CABP5: variants seen among roughly 807,000 people sequenced by gnomAD.
CABP5 encodes calcium binding protein 5.
In CABP5, 17 loss-of-function variants were observed where a neutral mutation model predicts 21.9. The observed-to-expected ratio is 0.78, with a 90% confidence interval of 0.53 to 1.17. The LOEUF is 1.17. Ranked by LOEUF, CABP5 falls within the 50% of genes most tolerant of loss-of-function variation. The probability of loss-of-function intolerance (pLI) is 0.00; values close to 1 mark genes in which losing one functional copy is unlikely to be tolerated. For synonymous variants in CABP5, 85 were observed against 79.4 expected, an observed-to-expected ratio of 1.07 and a Z score of -0.37; for missense variants, 229 against 228.9, an observed-to-expected ratio of 1.00 and a Z score of 0.00.
At chr19:48,031,761 T>G (rs1354491776) in intron 5 of CABP5, among the ~76,000 whole-genome samples, 1 of 152,026 alleles carries the variant, frequency 6.6e-6, no homozygotes, top group South Asian at 2.1e-4. Flanking sequence ...ACCCGGGTCT[T>G]GAGGTCATCC....
chr19:48,041,217 T>C (rs527544788), intron 2 of CABP5: 1 of 316,224 alleles, frequency 3.2e-6, no homozygotes, highest in South Asian at 4.7e-5. Flanking sequence ...AAAGGAGTGA[T>C]GTATGAAATG....
At chr19:48,035,790 G>T (rs1356182570) in intron 4 of CABP5, among the ~76,000 whole-genome samples, 2 of 152,186 alleles carry the variant, frequency 1.3e-5, no homozygotes, top group Non-Finnish European at 2.9e-5. Flanking sequence ...AATAGACAAG[G>T]TCTCAGTGTT....
intron 1 of CABP5, 65 bp from the exon 2 acceptor site, chr19:48,041,668 T>C (rs1967483652): frequency 6.8e-7 from 1 of 1,476,148 alleles, no homozygotes; most frequent in Non-Finnish European, 9.3e-7. Flanking sequence ...AAGGGTCTCC[T>C]TGTTCTCCCA....
intron 5 of CABP5, among the ~76,000 whole-genome samples, chr19:48,032,334 CTTT>C (rs11384879): frequency 5.5e-5 from 8 of 144,196 alleles, no homozygotes; most frequent in Middle Eastern, 3.4e-3. Context: ...TAATTTTGGA[CTTT>C]TTTTTTTTTT....
At chr19:48,041,443 G>T in intron 2 of CABP5, 130 bp downstream of exon 2, 1 of 903,788 alleles carries the variant, frequency 1.1e-6, no homozygotes, top group Non-Finnish European at 1.8e-6. Flanking sequence ...CAAAATTACA[G>T]TTGAGTGGGA....
Position 48,029,794 on chromosome 19 carries a change from CAGACAGAGAG to C in CABP5, c.*753_*762del, listed in dbSNP as rs1440592897. Among the ~76,000 whole-genome samples the C allele has an allele frequency of 5.6e-4, 48 of 85,370 alleles. 1 individual carries two copies. Among genetic ancestry groups the C allele is most frequent in the African/African-American group, 1.9e-3 (48 of 24,900 alleles). The allele number at this position is 85,370 out of a possible 152,430, so 56.0% of individuals were successfully genotyped here. On this transcript the variant is annotated 3_prime_UTR_variant, in exon 6 of 6. Transcript: ENST00000293255. ...ATGTGGGAGGGGAGACAGAGACAGA[CAGACAGAGAG>C]AGAGAGAGAGAGAGAGAGAGAGAGA...
In CABP5 at chr19:48,041,587, T is replaced by C; in HGVS notation, c.80A>G (p.Gln27Arg). 1 of 1,612,188 alleles carries C rather than the reference T, an allele frequency of 6.2e-7. No homozygotes were observed. Among genetic ancestry groups the C allele is most frequent in the Non-Finnish European group, 8.5e-7 (1 of 1,179,460 alleles). Residue 27 changes from glutamine (Q) to arginine (R), a missense_variant, in exon 2 of 6, where the codon CAA becomes CGA. By Grantham distance (43) the Gln-to-Arg change is conservative. Transcript: ENST00000293255. ...GACGGTGTTACCTTCAATCTCATCTTGTCCCAGTGGTCTTTCCTGGAAAGG... is the reference window on the plus strand; with the variant it reads ...GACGGTGTTACCTTCAATCTCATCTCGTCCCAGTGGTCTTTCCTGGAAAGG... ...AEKQRERPLG[Q>R]DEIEELREAF...
chr19:48,042,636 A>G (rs1002214125), intron 1 of CABP5, among the ~76,000 whole-genome samples: 8 of 150,182 alleles, frequency 5.3e-5, no homozygotes, highest in Admixed American at 2.0e-4. Flanking sequence ...GTGCAGTGGC[A>G]CGAACTCGGC....
Position 48,030,438 on chromosome 19 carries a change from C to T in CABP5, c.*119G>A, listed in dbSNP as rs527681714. 8.1e-5 allele frequency: 83 copies of T among 1,022,336 alleles called. No homozygotes were observed. In the African/African-American group the frequency reaches 1.2e-3, roughly 15 times the overall value. The allele number at this position is 1,022,336 out of a possible 1,614,324, so 63.3% of individuals were successfully genotyped here. ...CACAGCGCCGCATGCCAATGCCCTC[C>T]CTCCCGCCTGCCCTCCCTCTCTGCT... On this transcript the variant is annotated 3_prime_UTR_variant, in exon 6 of 6. Coordinates refer to ENST00000293255, the MANE Select transcript of CABP5 (RefSeq NM_019855.5).
chr19:48,033,434 G>A (rs1967366799), intron 5 of CABP5, among the ~76,000 whole-genome samples: 1 of 152,214 alleles, frequency 6.6e-6, no homozygotes, highest in Admixed American at 6.5e-5. Flanking sequence ...GGGATATAGT[G>A]ATGATGAAGG....
intron 1 of CABP5, among the ~76,000 whole-genome samples, chr19:48,041,836 T>C (rs557972261): frequency 2.0e-5 from 3 of 151,984 alleles, no homozygotes; most frequent in Non-Finnish European, 4.4e-5. Flanking sequence ...AATCTCCCTT[T>C]TTCTCCCTTT....
At chr19:48,043,310 C>T (rs973511866) in intron 1 of CABP5, among the ~76,000 whole-genome samples, 4 of 151,504 alleles carry the variant, frequency 2.6e-5, no homozygotes, top group African/African-American at 9.7e-5. Context: ...CTTGGCCGAC[C>T]CTGCCACTTA....
intron 4 of CABP5, among the ~76,000 whole-genome samples, chr19:48,038,537 G>A (rs1048852295): frequency 3.9e-5 from 6 of 152,026 alleles, no homozygotes; most frequent in African/African-American, 1.2e-4. Flanking sequence ...ACTAAGAATA[G>A]AGGCCCTGGC....
intron 4 of CABP5, 105 bp from the exon 5 acceptor site, chr19:48,034,467 G>A: frequency 2.4e-6 from 2 of 834,586 alleles, no homozygotes; most frequent in Non-Finnish European, 3.4e-6. Context: ...TGAGATAAAA[G>A]CTTTGGGAAT....
intron 1 of CABP5, among the ~76,000 whole-genome samples, chr19:48,042,033 T>C (rs1967488094): frequency 6.6e-6 from 1 of 152,162 alleles, no homozygotes; most frequent in Non-Finnish European, 1.5e-5. Flanking sequence ...GATCTACATC[T>C]CGTTTCCATC....
At chr19:48,040,780 T>A in intron 2 of CABP5, 32 bp from the exon 3 acceptor site, 1 of 1,612,094 alleles carries the variant, frequency 6.2e-7, no homozygotes, top group Middle Eastern at 1.7e-4. Flanking sequence ...TGGGGGAACT[T>A]GAAGCAGTCA....
chr19:48,040,767 C>A lies in CABP5; in HGVS notation c.95-19G>T, dbSNP rs1967470838. On this transcript the variant is annotated intron_variant, in intron 2 of 5. Coordinates refer to ENST00000293255, the MANE Select transcript of CABP5 (RefSeq NM_019855.5). ...CGCAGCTCTGAAAGTTAAGAGAGAA[C>A]TTTGGGGGAACTTGAAGCAGTCAGT... 1.9e-6 allele frequency: 3 copies of A among 1,613,172 alleles called. No individual in the cohort carries two copies. The highest frequency in any genetic ancestry group is 1.7e-6 in the Non-Finnish European group (2 of 1,179,336).
At position 48,041,161 on chromosome 19, in the gene CABP5, G is replaced by C. The variant is rs1018739256; in HGVS notation, c.94+412C>G. Among the ~76,000 whole-genome samples, 2 of 151,672 alleles carry C rather than the reference G, an allele frequency of 1.3e-5. 1 individual carries two copies. The highest frequency in any genetic ancestry group is 4.8e-5 in the African/African-American group (2 of 41,288). ...AGATCGTGCCATTGCACTCCAGCCTGGCAACAAGAGCAAAACTCTGTCTCA... is the reference window on the plus strand; with the variant it reads ...AGATCGTGCCATTGCACTCCAGCCTCGCAACAAGAGCAAAACTCTGTCTCA... On this transcript the variant is annotated intron_variant, in intron 2 of 5. Coordinates refer to ENST00000293255, the MANE Select transcript of CABP5 (RefSeq NM_019855.5).
At chr19:48,038,426 C>G (rs1967437987) in intron 4 of CABP5, among the ~76,000 whole-genome samples, 1 of 152,218 alleles carries the variant, frequency 6.6e-6, no homozygotes, top group Non-Finnish European at 1.5e-5. Context: ...CTCACTGGGT[C>G]TGATATTTTT....
Sources: gnomAD v4.1 joint callset for allele counts (sites outside exome capture counted in the v4.1 genomes callset) on GRCh38, gnomAD v4.1.1 for gene constraint, MANE v1.5 for transcripts, NCBI Gene and HGNC (gene_info 2026-07-23, HGNC 2026-07-21) for gene names.